The following HDAC7 variants were observed in gnomAD, a reference collection of about 807,000 sequenced individuals.
HDAC7 encodes the protein histone deacetylase 7A.
Under a neutral mutation model 115.5 loss-of-function variants are expected in HDAC7, and 26 were observed. The ratio of observed to expected loss-of-function variants is 0.23; its 90% CI spans 0.16 to 0.31. The LOEUF is 0.31. Among genes scored for constraint, HDAC7 ranks in the 10% least tolerant of loss-of-function variants. The pLI is 1.00. For missense variants in HDAC7, 1,068 were observed against 1,329.0 expected, an observed-to-expected ratio of 0.80 and a Z score of 3.05; for synonymous variants, 564 against 550.9, an observed-to-expected ratio of 1.02 and a Z score of -0.33.
At position 47,795,997 on chromosome 12, in the gene HDAC7, A is replaced by AGCCGCT. The variant is rs1943813177; in HGVS notation, c.809_814dup (p.Gln270_Arg271dup). 9 of 1,549,602 alleles carry AGCCGCT rather than the reference A, an allele frequency of 5.8e-6. No homozygotes were observed. The highest frequency in any genetic ancestry group is 7.8e-6 in the Non-Finnish European group (9 of 1,146,912). ...GGCCACAGAAGTCTCCTGCAGCCGCAGCCGCTGGCCCAAGAGCGCCTGCCA... is the reference window on the plus strand; with the variant it reads ...GGCCACAGAAGTCTCCTGCAGCCGCAGCCGCTGCCGCTGGCCCAAGAGCGCCTGCCA... On this transcript the variant is annotated inframe_insertion, in exon 9 of 26. Coordinates refer to ENST00000080059, the MANE Select transcript of HDAC7 (RefSeq NM_015401.5). The surrounding 1 kb of genome is among the most constrained non-coding windows in gnomAD (Gnocchi z 4.3).
intron 16 of HDAC7, 134 bp from the exon 17 acceptor site, chr12:47,790,054 C>A: frequency 1.5e-6 from 1 of 654,692 alleles, no homozygotes; most frequent in Non-Finnish European, 2.7e-6. Context: ...CTCCCCAGTG[C>A]CCCACCGCCC....
chr12:47,783,619 G>A lies in HDAC7; in HGVS notation c.*222C>T, dbSNP rs558517518. On this transcript the variant is annotated 3_prime_UTR_variant, in exon 26 of 26. Coordinates refer to ENST00000080059, the MANE Select transcript of HDAC7 (RefSeq NM_015401.5). ...TGTTCTCGAGAGCCCTGTGGGGGTC[G>A]CCGCCCAGCCCGTCTCCTCTCAGGG... 28 of 580,812 alleles carry A rather than the reference G, an allele frequency of 4.8e-5. No homozygotes were observed. Among genetic ancestry groups the A allele is most frequent in the East Asian group, 8.9e-5 (3 of 33,526 alleles). 36.0% of individuals were successfully genotyped at this position (580,812 alleles called of 1,614,324 possible).
At chr12:47,811,834 G>A (rs1215739795) in intron 1 of HDAC7, among the ~76,000 whole-genome samples, 1 of 152,186 alleles carries the variant, frequency 6.6e-6, no homozygotes, top group East Asian at 1.9e-4. Flanking sequence ...CCCCTCCTGA[G>A]TCTCGCCAAG....
chr12:47,806,203 C>T (rs946992907), intron 1 of HDAC7, among the ~76,000 whole-genome samples: 21 of 152,240 alleles, frequency 1.4e-4, no homozygotes, highest in African/African-American at 5.1e-4. Context: ...AAGCCCCTGC[C>T]ACATGAAGTC....
rs1943942333 is a variant in HDAC7, at chr12:47,797,855, G to GGTGGGTGTGT, written c.461+252_461+253insACACACCCAC. ...TCATGTGCAAGAAAAAAGCCAGTAG[G>GGTGGGTGTGT]GTGTGTGTGTGTGTGTGTGTGTGTG... On this transcript the variant is annotated intron_variant, in intron 5 of 25. Coordinates refer to ENST00000080059, the MANE Select transcript of HDAC7 (RefSeq NM_015401.5). The surrounding 1 kb of genome is among the most constrained non-coding windows in gnomAD (Gnocchi z 5.5). Among the ~76,000 whole-genome samples the GGTGGGTGTGT allele has an allele frequency of 8.1e-6, 1 of 123,876 alleles. No homozygotes were observed. Among genetic ancestry groups the GGTGGGTGTGT allele is most frequent in the East Asian group, 2.2e-4 (1 of 4,572 alleles). The allele number at this position is 123,876 out of a possible 152,430, so 81.3% of individuals were successfully genotyped here.
At chr12:47,812,036 A>T (rs1214007139) in intron 1 of HDAC7, among the ~76,000 whole-genome samples, 1 of 152,258 alleles carries the variant, frequency 6.6e-6, no homozygotes, top group Non-Finnish European at 1.5e-5. Context: ...GGGAAGGGCT[A>T]AAATAAAGTT....
chr12:47,811,294 G>A (rs1944653468), intron 1 of HDAC7, among the ~76,000 whole-genome samples: 1 of 152,138 alleles, frequency 6.6e-6, no homozygotes, highest in South Asian at 2.1e-4. Flanking sequence ...CTTGGTTGAA[G>A]GGGTTTTTCC....
At chr12:47,820,959 G>T (rs1309151891), upstream of HDAC7, among the ~76,000 whole-genome samples, 1 of 152,168 alleles carries the variant, frequency 6.6e-6, no homozygotes, top group Non-Finnish European at 1.5e-5. This position sits in a 1 kb window ranked among gnomAD's most constrained non-coding sequence, Gnocchi z 4.3. Flanking sequence ...AGGGGCTAAG[G>T]ACCTCGCCAT....
chr12:47,788,552 G>A (rs1943300201), intron 19 of HDAC7: 1 of 156,486 alleles, frequency 6.4e-6, no homozygotes, highest in East Asian at 1.9e-4. Flanking sequence ...CAGAAACCAA[G>A]CTCGGTTACA....
intron 1 of HDAC7, among the ~76,000 whole-genome samples, chr12:47,811,085 A>G (rs1413250192): frequency 6.6e-6 from 1 of 152,110 alleles, no homozygotes; most frequent in East Asian, 1.9e-4. Flanking sequence ...CTCGGATGTG[A>G]ATAGCCACAA....
Position 47,798,737 on chromosome 12 carries a change from G to A in HDAC7, c.258+48C>T. Reference sequence around the variant, plus strand: ...TAGGGATGCTGAAGGCGGGGAGGCTGGGGACCAAGCTCAAGGTGGCCCCAC... The same window carrying A: ...TAGGGATGCTGAAGGCGGGGAGGCTAGGGACCAAGCTCAAGGTGGCCCCAC... On this transcript the variant is annotated intron_variant, in intron 3 of 25. Transcript: ENST00000080059. The surrounding 1 kb of genome is among the most constrained non-coding windows in gnomAD (Gnocchi z 4.3). The A allele has an allele frequency of 6.4e-7, 1 of 1,556,476 alleles. No individual in the cohort carries two copies. The highest frequency in any genetic ancestry group is 8.7e-7 in the Non-Finnish European group (1 of 1,148,630).
rs1943620947 is a variant in HDAC7 at position 47,793,235 on chromosome 12, A to G, written c.1678+134T>C. 1 of 642,112 alleles carries G rather than the reference A, an allele frequency of 1.6e-6. No individual in the cohort carries two copies. The highest frequency in any genetic ancestry group is 1.8e-5 in the African/African-American group (1 of 54,410). 39.8% of individuals were successfully genotyped at this position (642,112 alleles called of 1,614,324 possible). On this transcript the variant is annotated intron_variant, in intron 13 of 25. Coordinates refer to ENST00000080059, the MANE Select transcript of HDAC7 (RefSeq NM_015401.5). The surrounding 1 kb of genome is among the most constrained non-coding windows in gnomAD (Gnocchi z 4.5). Reference sequence around the variant, plus strand: ...AATAACCAGCTGTTCCATGTGCTCCATGGGTACTACGTGGGCCTAACAAGG... The same window carrying G: ...AATAACCAGCTGTTCCATGTGCTCCGTGGGTACTACGTGGGCCTAACAAGG...
In HDAC7 at chr12:47,803,111, C is replaced by G. The variant is rs2137014730; in HGVS notation, c.20-837G>C. On this transcript the variant is annotated intron_variant, in intron 1 of 25. Coordinates refer to ENST00000080059, the MANE Select transcript of HDAC7 (RefSeq NM_015401.5). The surrounding 1 kb of genome is among the most constrained non-coding windows in gnomAD (Gnocchi z 4.0). ...AAGCTGGTCAGCAGCAGAAAGCCCC[C>G]AGGGGACATGGAGGCCAGCTGGGGT... 6.6e-6 allele frequency among the ~76,000 whole-genome samples: 1 copy of G among 152,276 alleles called. No homozygotes were observed. Among genetic ancestry groups the G allele is most frequent in the East Asian group, 1.9e-4 (1 of 5,184 alleles).
In HDAC7 at chr12:47,798,603, T is replaced by C; in HGVS notation, c.308A>G (p.Gln103Arg). The C allele has an allele frequency of 6.2e-7, 1 of 1,614,014 alleles. No homozygotes were observed. Among genetic ancestry groups the C allele is most frequent in the South Asian group, 1.1e-5 (1 of 91,072 alleles). Residue 103 changes from glutamine to arginine, a missense_variant, in exon 4 of 26, where the codon CAA becomes CGA. By Grantham distance (43) the Gln-to-Arg change is conservative (BLOSUM62 1). Coordinates refer to ENST00000080059, the MANE Select transcript of HDAC7 (RefSeq NM_015401.5). This position sits in a 1 kb window ranked among gnomAD's most constrained non-coding sequence, Gnocchi z 4.3. Reference protein sequence around the residue: ...MPELQVGPQEQELRQLLHKDK... With the variant: ...MPELQVGPQERELRQLLHKDK... The stretch of plus-strand genomic sequence containing the variant: ...CTTGTGGAGAAGCTGCCGCAGCTCT[T>C]GTTCCTGGGGTCCCACCTGCAACTC...
chr12:47,795,264 G>A lies in HDAC7; in HGVS notation c.1204C>T (p.Pro402Ser). 1 of 1,612,296 alleles carries A rather than the reference G, an allele frequency of 6.2e-7. No homozygotes were observed. The highest frequency in any genetic ancestry group is 8.5e-7 in the Non-Finnish European group (1 of 1,178,822). ...LSRTRSEPLP[P>S]SATAPPPPGP... ...GGCGGTGGGGGAGCGGTGGCACTGG[G>A]GGGCAGGGGCTCTGAGCGAGTCCGG... The change falls in exon 11 of 26, where the codon CCC (proline) becomes TCC (serine). Residue 402 changes from proline (P) to serine (S), a missense_variant. Pro to Ser is a moderately conservative substitution (Grantham distance 74). Coordinates refer to ENST00000080059, the MANE Select transcript of HDAC7 (RefSeq NM_015401.5). This position sits in a 1 kb window ranked among gnomAD's most constrained non-coding sequence, Gnocchi z 4.3.
chr12:47,818,584 G>A (rs1369487876), intron 1 of HDAC7, among the ~76,000 whole-genome samples: 1 of 152,246 alleles, frequency 6.6e-6, no homozygotes, highest in African/African-American at 2.4e-5. Context: ...TAGGGGTCCT[G>A]AGGAAGGTCC....
intron 1 of HDAC7, among the ~76,000 whole-genome samples, chr12:47,805,333 C>T (rs1177209483): frequency 6.6e-6 from 1 of 152,056 alleles, no homozygotes; most frequent in Non-Finnish European, 1.5e-5. Flanking sequence ...ATCCTCCCCG[C>T]TCATCTTCAA....
At chr12:47,791,807 C>CCCCCCCCCCCCCCCCCTG in intron 14 of HDAC7, 64 bp downstream of exon 14, 2 of 1,532,682 alleles carry the variant, frequency 1.3e-6, no homozygotes, top group Middle Eastern at 1.8e-4. Context: ...CAGGGCCCCC[C>CCCCCCCCCCCCCCCCCTG]ACCCCTCCCC....
chr12:47,818,262 T>G (rs1944906805), intron 1 of HDAC7, among the ~76,000 whole-genome samples: 1 of 152,146 alleles, frequency 6.6e-6, no homozygotes, highest in Non-Finnish European at 1.5e-5. Flanking sequence ...GAGGCAGCTC[T>G]GAGCTTGCCT....
Sources: allele counts gnomAD v4.1 joint callset (sites outside exome capture counted in the v4.1 genomes callset), GRCh38; gene constraint gnomAD v4.1.1; non-coding constraint Gnocchi (gnomAD v3.1); transcripts MANE v1.5; gene names NCBI Gene and HGNC (gene_info 2026-07-23, HGNC 2026-07-21).